SMC4: variants seen among roughly 807,000 people sequenced by gnomAD.
SMC4 encodes the protein structural maintenance of chromosomes protein 4.
Under a neutral mutation model 145.6 loss-of-function variants are expected in SMC4, and 87 were observed. That is an observed-to-expected ratio of 0.60 (90% CI 0.50 to 0.71). The LOEUF is 0.71. SMC4 is among the 30% of genes least tolerant of loss of function. The pLI is 0.00. For missense variants in SMC4, 1,447 were observed against 1,537.1 expected (o/e 0.94, Z 0.98); for synonymous variants, 558 against 500.7 (o/e 1.11, Z -1.53).
chr3:160,409,451 G>A (rs1481997796), intron 5 of SMC4, among the ~76,000 whole-genome samples: 1 of 151,804 alleles, frequency 6.6e-6, no homozygotes, highest in Non-Finnish European at 1.5e-5. Context: ...AGCAACCATT[G>A]TTATTTACCC....
At chr3:160,432,071 A>T (rs193126857) in intron 21 of SMC4, among the ~76,000 whole-genome samples, 78 of 152,326 alleles carry the variant, frequency 5.1e-4, no homozygotes, top group Admixed American at 2.2e-3. Flanking sequence ...GCGTTGTGGC[A>T]CGTGCCTGTA....
chr3:160,415,276 G>A (rs761093493), intron 9 of SMC4, among the ~76,000 whole-genome samples: 11 of 152,200 alleles, frequency 7.2e-5, no homozygotes, highest in Non-Finnish European at 1.6e-4. Flanking sequence ...GGAGAGTGAG[G>A]CGGCAGGATG....
chr3:160,432,065 T>C (rs555506458), intron 21 of SMC4, among the ~76,000 whole-genome samples: 5 of 152,248 alleles, frequency 3.3e-5, no homozygotes, highest in African/African-American at 9.6e-5. Context: ...AGCCAGGCGT[T>C]GTGGCACGTG....
chr3:160,427,923 T>G (rs532276643), intron 17 of SMC4, among the ~76,000 whole-genome samples: 2 of 152,098 alleles, frequency 1.3e-5, no homozygotes, highest in South Asian at 4.2e-4. Context: ...CCCATCTCTT[T>G]GAAAAATACA....
intron 5 of SMC4, among the ~76,000 whole-genome samples, chr3:160,411,530 A>T (rs1173472264): frequency 6.6e-6 from 1 of 152,212 alleles, no homozygotes; most frequent in South Asian, 2.1e-4. Context: ...GTTATTAACA[A>T]TTGATAATGT....
intron 9 of SMC4, among the ~76,000 whole-genome samples, chr3:160,414,797 C>T (rs1485860907): frequency 1.3e-5 from 2 of 152,078 alleles, no homozygotes; most frequent in Admixed American, 6.5e-5. Context: ...TCTTGAACTC[C>T]TGGGCTTAAG....
intron 18 of SMC4, among the ~76,000 whole-genome samples, 181 bp from the exon 19 acceptor site, chr3:160,430,418 C>T (rs2108503298): frequency 6.6e-6 from 1 of 152,230 alleles, no homozygotes; most frequent in African/African-American, 2.4e-5. Context: ...CAACTCATCC[C>T]ATAAGTGTTT....
chr3:160,420,214 G>A (rs1717021139), intron 12 of SMC4, among the ~76,000 whole-genome samples: 1 of 152,186 alleles, frequency 6.6e-6, no homozygotes, highest in Non-Finnish European at 1.5e-5. Flanking sequence ...GGAGCCAGTT[G>A]ATGCAGTCCT....
Position 160,426,151 on chromosome 3 carries a change from C to CA in SMC4, c.2564dup (p.Gln856AlafsTer9), listed in dbSNP as rs1255384961. 70 of 1,599,322 alleles carry CA rather than the reference C, an allele frequency of 4.4e-5. No homozygotes were observed. Among genetic ancestry groups the CA allele is most frequent in the Admixed American group, 8.6e-5 (5 of 58,416 alleles). On this transcript the variant is annotated frameshift_variant, in exon 17 of 24. Transcript: ENST00000357388. LOFTEE classifies it high-confidence loss of function. ...CTAATGTACTTGCTACAGCCCCTGACAAAAAAAAGCAGAAATTGCTAGAAG... is the reference window on the plus strand; with the variant it reads ...CTAATGTACTTGCTACAGCCCCTGACAAAAAAAAAGCAGAAATTGCTAGAAG...
rs1716763607 is a variant in SMC4, at chr3:160,417,965, T to G, written c.1671+9T>G. The G allele has an allele frequency of 6.3e-7, 1 of 1,598,864 alleles. No homozygotes were observed. The highest frequency in any genetic ancestry group is 8.5e-7 in the Non-Finnish European group (1 of 1,169,860). ...AACAAGAATTAAAGGAGGTAAATCT[T>G]TGCTTCTCTGTTGCATCAGAACATC... On this transcript the variant is annotated intron_variant, in intron 11 of 23. Transcript: ENST00000357388.
At chr3:160,412,821 C>G in intron 7 of SMC4, 2 of 985,108 alleles carry the variant, frequency 2.0e-6, no homozygotes, top group Non-Finnish European at 2.4e-6. Context: ...TTGAAGTTGA[C>G]TTTTTAGTAT....
At chr3:160,424,294 T>C (rs930919860) in intron 15 of SMC4, among the ~76,000 whole-genome samples, 3 of 152,152 alleles carry the variant, frequency 2.0e-5, no homozygotes. Flanking sequence ...TTTCCCAAAG[T>C]GTTGTGCTTT....
In SMC4 at chr3:160,416,325, C is replaced by G; in HGVS notation, c.1347C>G (p.Leu449=). 1 of 1,601,468 alleles carries G rather than the reference C, an allele frequency of 6.2e-7. No individual in the cohort carries two copies. The highest frequency in any genetic ancestry group is 1.1e-5 in the South Asian group (1 of 89,348). ...AAACAACAACCAGAAACAATGCCCT[C>G]GAGAAGGAAAAAGAGAAAGAAGAAA... ...INETTTRNNA[L]EKEKEKEEKK... The change falls in exon 10 of 24, where the codon CTC becomes CTG. Residue 449 remains leucine, a synonymous_variant. Coordinates refer to ENST00000357388, the MANE Select transcript of SMC4 (RefSeq NM_001002800.3).
In SMC4 at chr3:160,399,747, CAGGTAA is replaced by C. The variant is rs1714249739; in HGVS notation, c.-6+1_-6+6del. ...GCCTTGGTCTGAGTGGACTGTCCTG[CAGGTAA>C]AGTACTTCTCTTCCTGGTCAGGTTG... is the stretch of plus-strand genomic sequence containing the variant. On this transcript the variant is annotated splice_donor_variant and splice_donor_region_variant and 5_prime_UTR_variant and intron_variant, in exon 1 of 24. Transcript: ENST00000357388. LOFTEE classifies it low-confidence loss of function (5UTR_SPLICE). 1 of 152,644 alleles carries C rather than the reference CAGGTAA, an allele frequency of 6.6e-6. No individual in the cohort carries two copies. The highest frequency in any genetic ancestry group is 2.1e-4 in the South Asian group (1 of 4,836). The allele number at this position is 152,644 out of a possible 1,614,324, so 9.5% of individuals were successfully genotyped here. A position where few individuals can be genotyped will look rare whatever the true frequency, so the allele number is the denominator to read the frequency against.
At chr3:160,430,888 T>C (rs575407795) in intron 19 of SMC4, 144 bp from the exon 20 acceptor site, 4 of 1,229,786 alleles carry the variant, frequency 3.3e-6, no homozygotes, top group Non-Finnish European at 4.5e-6. Context: ...ACAATAAGAA[T>C]ACTATAATTT....
Position 160,414,388 on chromosome 3 carries a change from A to G in SMC4, c.1143A>G (p.Lys381=), listed in dbSNP as rs1313499013. Residue 381 remains lysine (K), a synonymous_variant, in exon 9 of 24, where the codon AAA becomes AAG. Coordinates refer to ENST00000357388, the MANE Select transcript of SMC4 (RefSeq NM_001002800.3). ...DTEKKLNKIT[K]FIEENKEKFT... ...CTAGGAAACTGAATAAAATTACAAA[A>G]TTTATTGAGGAGAATAAAGAAAAAT... 40 of 1,602,124 alleles carry G rather than the reference A, an allele frequency of 2.5e-5. No individual in the cohort carries two copies. The highest frequency in any genetic ancestry group is 3.4e-5 in the Non-Finnish European group (40 of 1,170,938).
At chr3:160,426,228 G>A in intron 17 of SMC4, 28 bp downstream of exon 17, 1 of 1,546,120 alleles carries the variant, frequency 6.5e-7, no homozygotes, top group Non-Finnish European at 8.7e-7. Context: ...CCTTTTTTGG[G>A]GGGAAAAAAA....
chr3:160,404,798 C>T (rs1715138462), intron 5 of SMC4: 6 of 565,304 alleles, frequency 1.1e-5, no homozygotes, highest in Non-Finnish European at 2.1e-5. Context: ...TATTAAACAC[C>T]AATATTACTG....
At chr3:160,423,375 TTTC>T (rs1178203912) in intron 13 of SMC4, 47 bp from the exon 14 acceptor site, 27 of 1,130,584 alleles carry the variant, frequency 2.4e-5, no homozygotes, top group Admixed American at 1.8e-4. Context: ...TTTTTTGAGT[TTTC>T]TTTTTTGTTA....
Sources: gnomAD v4.1 joint callset for allele counts (sites outside exome capture counted in the v4.1 genomes callset) on GRCh38, gnomAD v4.1.1 for gene constraint, MANE v1.5 for transcripts, NCBI Gene and HGNC (gene_info 2026-07-23, HGNC 2026-07-21) for gene names.